Variants in KCNH8 observed in about 807,000 individuals in gnomAD.
KCNH8 encodes voltage-gated delayed rectifier potassium channel KCNH8.
In KCNH8, 70 loss-of-function variants were observed where a neutral mutation model predicts 103.6. The ratio of observed to expected loss-of-function variants is 0.68; its 90% CI spans 0.56 to 0.82. The LOEUF is 0.82. KCNH8 is among the 40% of genes least tolerant of loss of function. The probability of loss-of-function intolerance (pLI) is 0.00; values close to 1 mark genes in which losing one functional copy is unlikely to be tolerated. For synonymous variants in KCNH8, 498 were observed against 489.4 expected (o/e 1.02, Z -0.23); for missense variants, 1,217 against 1,329.9 (o/e 0.92, Z 1.32).
intron 8 of KCNH8, among the ~76,000 whole-genome samples, chr3:19,443,858 A>G (rs2067320383): frequency 6.6e-6 from 1 of 152,158 alleles, no homozygotes; most frequent in South Asian, 2.1e-4. Flanking sequence ...AGACTTCTAT[A>G]CAGAAAATTA....
chr3:19,496,420 T>C (rs931793163), intron 11 of KCNH8, among the ~76,000 whole-genome samples: 6 of 152,224 alleles, frequency 3.9e-5, no homozygotes, highest in Admixed American at 2.6e-4. Context: ...TTGAATTTTA[T>C]CAAAAGACTT....
At chr3:19,450,432 T>G (rs1200350936) in intron 9 of KCNH8, 127 bp downstream of exon 9, 1 of 733,502 alleles carries the variant, frequency 1.4e-6, no homozygotes, top group Non-Finnish European at 2.3e-6. Flanking sequence ...CATTTTTAAT[T>G]ATTCATGAAT....
At chr3:19,166,932 C>G (rs1316056847) in intron 1 of KCNH8, among the ~76,000 whole-genome samples, 1 of 152,160 alleles carries the variant, frequency 6.6e-6, no homozygotes, top group Non-Finnish European at 1.5e-5. Flanking sequence ...GATTGCAGCT[C>G]TGTTTAAAGT....
intron 1 of KCNH8, among the ~76,000 whole-genome samples, chr3:19,235,032 C>G (rs2125240920): frequency 6.6e-6 from 1 of 152,296 alleles, no homozygotes; most frequent in African/African-American, 2.4e-5. Flanking sequence ...GCGCTTATCT[C>G]AGTGTTTAGT....
At chr3:19,419,425 C>T (rs998113555) in intron 7 of KCNH8, among the ~76,000 whole-genome samples, 12 of 151,780 alleles carry the variant, frequency 7.9e-5, no homozygotes, top group Admixed American at 5.2e-4. Context: ...TGGTCTCGAT[C>T]TCCTGACCTC....
At chr3:19,381,689 TA>T (rs2066290070) in intron 5 of KCNH8, among the ~76,000 whole-genome samples, 1 of 151,398 alleles carries the variant, frequency 6.6e-6, no homozygotes, top group Non-Finnish European at 1.5e-5. Context: ...CGAGAATTGC[TA>T]AAAGGGAAAA....
At chr3:19,377,010 G>A (rs1189872920) in intron 5 of KCNH8, among the ~76,000 whole-genome samples, 1 of 152,204 alleles carries the variant, frequency 6.6e-6, no homozygotes, top group Non-Finnish European at 1.5e-5. Context: ...GAAGAGGGTA[G>A]ACAGAATGTC....
intron 3 of KCNH8, among the ~76,000 whole-genome samples, chr3:19,301,945 C>T (rs2065069131): frequency 6.6e-6 from 1 of 152,128 alleles, no homozygotes; most frequent in African/African-American, 2.4e-5. Flanking sequence ...CCAGAAGGGT[C>T]CTGAGCACAG....
At chr3:19,329,014 G>A (rs1319852633) in intron 3 of KCNH8, among the ~76,000 whole-genome samples, 2 of 152,210 alleles carry the variant, frequency 1.3e-5, no homozygotes, top group African/African-American at 2.4e-5. Flanking sequence ...CATTTGTTTG[G>A]TCTTTCTGTT....
At chr3:19,197,341 A>C (rs80065265) in intron 1 of KCNH8, among the ~76,000 whole-genome samples, 6,280 of 151,880 alleles carry the variant, frequency 0.041, 461 homozygotes, top group African/African-American at 0.14. Context: ...GCCTTCTTGT[A>C]CTCTGTTTTG....
chr3:19,288,695 G>A (rs1340893893), intron 3 of KCNH8, among the ~76,000 whole-genome samples: 1 of 152,156 alleles, frequency 6.6e-6, no homozygotes, highest in African/African-American at 2.4e-5. Context: ...AAACATACGT[G>A]TACATGTGTC....
intron 1 of KCNH8, among the ~76,000 whole-genome samples, chr3:19,244,486 G>A (rs550602723): frequency 3.5e-4 from 54 of 152,232 alleles, no homozygotes; most frequent in Non-Finnish European, 6.5e-4. Context: ...TATATACCCA[G>A]TAATGGGATT....
intron 1 of KCNH8, among the ~76,000 whole-genome samples, chr3:19,161,986 T>C (rs2063238627): frequency 6.6e-6 from 1 of 152,210 alleles, no homozygotes; most frequent in Non-Finnish European, 1.5e-5. Flanking sequence ...GTCAGAGTTT[T>C]GAAATATCTG....
At chr3:19,376,788 T>C (rs1472289089) in intron 5 of KCNH8, among the ~76,000 whole-genome samples, 4 of 152,150 alleles carry the variant, frequency 2.6e-5, no homozygotes, top group African/African-American at 9.7e-5. Context: ...GTGAAGAGAC[T>C]CAAAATACAC....
intron 3 of KCNH8, among the ~76,000 whole-genome samples, chr3:19,336,303 C>T (rs2065584161): frequency 6.6e-6 from 1 of 151,496 alleles, no homozygotes; most frequent in Non-Finnish European, 1.5e-5. Context: ...TTACTAATTT[C>T]TCTTAATATA....
At chr3:19,200,687 A>T (rs913359539) in intron 1 of KCNH8, among the ~76,000 whole-genome samples, 1 of 152,098 alleles carries the variant, frequency 6.6e-6, no homozygotes, top group Non-Finnish European at 1.5e-5. Context: ...TATGGTATAT[A>T]CTATTGTCAG....
At chr3:19,533,348 A>G (rs1322300583) in intron 15 of KCNH8, 47 bp from the exon 16 acceptor site, 19 of 1,192,024 alleles carry the variant, frequency 1.6e-5, no homozygotes, top group Non-Finnish European at 2.1e-5. Context: ...TGTGGTCACT[A>G]CTATGCACCT....
intron 1 of KCNH8, among the ~76,000 whole-genome samples, chr3:19,182,847 G>C (rs1428424307): frequency 6.6e-6 from 1 of 152,072 alleles, no homozygotes; most frequent in African/African-American, 2.4e-5. Flanking sequence ...TATTTTTTTC[G>C]TGAGAAATGC....
chr3:19,284,877 AAAAAG>A (rs1215253418), intron 3 of KCNH8, among the ~76,000 whole-genome samples: 1 of 151,278 alleles, frequency 6.6e-6, no homozygotes, highest in African/African-American at 2.4e-5. Flanking sequence ...TATAAAAAAA[AAAAAG>A]AAAAGGAAAG....
Sources: gnomAD v4.1 joint callset for allele counts (sites outside exome capture counted in the v4.1 genomes callset) on GRCh38, gnomAD v4.1.1 for gene constraint, MANE v1.5 for transcripts, NCBI Gene and HGNC (gene_info 2026-07-23, HGNC 2026-07-21) for gene names.